FARP1: variants seen among roughly 807,000 people sequenced by gnomAD.
The protein encoded by FARP1 is FERM, ARH/RhoGEF and pleckstrin domain protein 1.
In FARP1, 52 loss-of-function variants were observed where a neutral mutation model predicts 128.8. The ratio of observed to expected loss-of-function variants is 0.40; its 90% CI spans 0.32 to 0.51. The LOEUF (loss-of-function observed/expected upper bound fraction) is 0.51, where lower values mean the gene tolerates loss of function less well. Among genes scored for constraint, FARP1 ranks in the 20% least tolerant of loss-of-function variants. The probability of loss-of-function intolerance (pLI) is 0.45; values close to 1 mark genes in which losing one functional copy is unlikely to be tolerated. For missense variants in FARP1, 1,333 were observed against 1,367.9 expected (o/e 0.97, Z 0.40); for synonymous variants, 580 against 551.8 (o/e 1.05, Z -0.72).
At position 98,368,198 on chromosome 13, in the gene FARP1, T is replaced by G; in HGVS notation, c.398+3T>G. ...CAACTCCAAGAAGAACTCACAAGGT[T>G]AGTGGTTTGGAAACTGTGTATTTTT... On this transcript the variant is annotated splice_donor_region_variant and intron_variant, in intron 5 of 26. Transcript: ENST00000319562. The G allele has an allele frequency of 1.2e-6, 2 of 1,611,180 alleles. No homozygotes were observed. The highest frequency in any genetic ancestry group is 1.7e-6 in the Non-Finnish European group (2 of 1,177,456).
At chr13:98,298,887 T>C (rs188411352) in intron 2 of FARP1, among the ~76,000 whole-genome samples, 2 of 152,304 alleles carry the variant, frequency 1.3e-5, no homozygotes, top group East Asian at 3.9e-4. Context: ...TTTAGGAATG[T>C]ATTTGGTCAT....
chr13:98,407,180 G>A (rs1383176091), intron 13 of FARP1: 1 of 152,642 alleles, frequency 6.6e-6, no homozygotes, highest in African/African-American at 2.4e-5. Flanking sequence ...CACAGTGCGA[G>A]AGCTGAAGGT....
intron 2 of FARP1, among the ~76,000 whole-genome samples, chr13:98,221,144 C>T (rs918783184): frequency 9.9e-5 from 15 of 152,282 alleles, no homozygotes; most frequent in African/African-American, 3.4e-4. Context: ...ACTTGAGGCC[C>T]AGGTGAGGCT....
At chr13:98,429,539 A>AT (rs11396275) in intron 17 of FARP1, among the ~76,000 whole-genome samples, 2,651 of 152,304 alleles carry the variant, frequency 0.017, 74 homozygotes, top group African/African-American at 0.055. Context: ...TGGAGGACAA[A>AT]TTGATAGGAC....
At chr13:98,375,477 TC>T (rs2140001532) in intron 5 of FARP1, among the ~76,000 whole-genome samples, 1 of 152,352 alleles carries the variant, frequency 6.6e-6, no homozygotes, top group African/African-American at 2.4e-5. Flanking sequence ...AAACACCCTT[TC>T]CTCTGGCCAG....
rs1402008691 is a variant in FARP1, at chr13:98,343,126, G to C, written c.172-636G>C. On this transcript the variant is annotated intron_variant, in intron 2 of 26. Coordinates refer to ENST00000319562, the MANE Select transcript of FARP1 (RefSeq NM_005766.4). The stretch of plus-strand genomic sequence containing the variant: ...ACTGTATGAGTCCTGTATGAGTCCA[G>C]CTAGATGACATTCTGGGAAAGGCAA... Among the ~76,000 whole-genome samples, 6 of 152,318 alleles carry C rather than the reference G, an allele frequency of 3.9e-5. No individual in the cohort carries two copies. In the East Asian group the frequency reaches 1.2e-3, roughly 29 times the overall value.
At chr13:98,155,358 A>G (rs1376780492) in intron 1 of FARP1, among the ~76,000 whole-genome samples, 1 of 151,204 alleles carries the variant, frequency 6.6e-6, no homozygotes, top group Non-Finnish European at 1.5e-5. Context: ...AAAAAAAAAA[A>G]AAAAAAAAAG....
In FARP1 at chr13:98,453,309, C is replaced by G. The variant is rs1225733980; in HGVS notation, c.*4992C>G. 1 of 1,234,028 alleles carries G rather than the reference C, an allele frequency of 8.1e-7. No individual in the cohort carries two copies. Among genetic ancestry groups the G allele is most frequent in the Non-Finnish European group, 1.1e-6 (1 of 870,326 alleles). 76.4% of individuals were successfully genotyped at this position (1,234,028 alleles called of 1,614,324 possible). A position where few individuals can be genotyped will look rare whatever the true frequency, so the allele number is the denominator to read the frequency against. On this transcript the variant is annotated 3_prime_UTR_variant, in exon 27 of 27. Coordinates refer to ENST00000319562, the MANE Select transcript of FARP1 (RefSeq NM_005766.4). ...AAATCTTAGTTTTCATAAGAAATTC[C>G]AAGTCATACAAAAATAAGTGGAGCA...
intron 5 of FARP1, among the ~76,000 whole-genome samples, chr13:98,374,607 C>T (rs183233542): frequency 3.6e-4 from 55 of 152,320 alleles, no homozygotes; most frequent in African/African-American, 1.3e-3. Flanking sequence ...CTGAATTTGC[C>T]TGCTAGCTTT....
chr13:98,183,521 C>G (rs888502210), intron 1 of FARP1, among the ~76,000 whole-genome samples: 1 of 152,294 alleles, frequency 6.6e-6, no homozygotes, highest in Middle Eastern at 3.4e-3. Context: ...ACTTAAGGGT[C>G]CACGCTTGGA....
rs1566305151 is a variant in FARP1 at position 98,417,459 on chromosome 13, A to AGGG, written c.1826+5425_1826+5426insGGG. 8.6e-3 allele frequency among the ~76,000 whole-genome samples: 856 copies of AGGG among 99,528 alleles called. 11 individuals are homozygous for AGGG. The highest frequency in any genetic ancestry group is 0.036 in the Middle Eastern group (7 of 192). 65.3% of individuals were successfully genotyped at this position (99,528 alleles called of 152,430 possible). A position where few individuals can be genotyped will look rare whatever the true frequency, so the allele number is the denominator to read the frequency against. ...AACAGAGGCCACCAGAGGTTTGAAA[A>AGGG]AAAAAAAAAAAAAAAAAAAAAAAAA... On this transcript the variant is annotated intron_variant, in intron 16 of 26. Coordinates refer to ENST00000319562, the MANE Select transcript of FARP1 (RefSeq NM_005766.4).
chr13:98,326,023 A>C (rs1446101820), intron 2 of FARP1, among the ~76,000 whole-genome samples: 2 of 152,250 alleles, frequency 1.3e-5, no homozygotes, highest in East Asian at 3.8e-4. Flanking sequence ...AATGCTTCTG[A>C]AATTTTTCTA....
intron 1 of FARP1, among the ~76,000 whole-genome samples, chr13:98,152,258 T>C (rs1330427234): frequency 6.6e-6 from 1 of 152,200 alleles, no homozygotes; most frequent in Non-Finnish European, 1.5e-5. Flanking sequence ...AATTAGTCAT[T>C]ATGCCTAATG....
intron 1 of FARP1, among the ~76,000 whole-genome samples, chr13:98,188,979 C>T (rs1879059987): frequency 6.6e-6 from 1 of 152,172 alleles, no homozygotes; most frequent in South Asian, 2.1e-4. Flanking sequence ...CGATAAGGCC[C>T]ATGAAGGCTC....
At chr13:98,225,268 T>C (rs1233916337) in intron 2 of FARP1, among the ~76,000 whole-genome samples, 1 of 152,182 alleles carries the variant, frequency 6.6e-6, no homozygotes, top group Non-Finnish European at 1.5e-5. Context: ...TTTCCTTTTA[T>C]TGACTTGATT....
rs150969302 is a variant in FARP1 at position 98,423,039 on chromosome 13, T to C, written c.1827-1533T>C. On this transcript the variant is annotated intron_variant, in intron 16 of 26. Transcript: ENST00000319562. Reference sequence around the variant, plus strand: ...TCCCAAAGCTGAAGAACTTGGGGTCTGATGTTTGAGGGCAGGAAGCATCCA... The same window carrying C: ...TCCCAAAGCTGAAGAACTTGGGGTCCGATGTTTGAGGGCAGGAAGCATCCA... Among the ~76,000 whole-genome samples, 1,264 of 152,246 alleles carry C rather than the reference T, an allele frequency of 8.3e-3. 11 individuals carry two copies. The highest frequency in any genetic ancestry group is 0.015 in the Non-Finnish European group (1,009 of 68,024).
intron 2 of FARP1, among the ~76,000 whole-genome samples, chr13:98,277,770 G>C (rs1884728794): frequency 6.6e-6 from 1 of 152,184 alleles, no homozygotes; most frequent in South Asian, 2.1e-4. Flanking sequence ...GAGAGCACTG[G>C]TTCTTCATGC....
chr13:98,209,898 C>T (rs1355321433), intron 1 of FARP1, among the ~76,000 whole-genome samples: 1 of 148,564 alleles, frequency 6.7e-6, no homozygotes, highest in Non-Finnish European at 1.5e-5. Context: ...AGGAGAATTG[C>T]TTGAACCTGG....
Position 98,213,288 on chromosome 13 carries a change from G to A in FARP1, c.46G>A (p.Ala16Thr). ...QRPTPGSRLGAPENSGISTLE... is the reference protein window; with the variant it reads ...QRPTPGSRLGTPENSGISTLE... ...GCCGACCCCAGGATCACGACTGGGGGCCCCGGAAAATTCGGGGATCAGTAC... is the reference window on the plus strand; with the variant it reads ...GCCGACCCCAGGATCACGACTGGGGACCCCGGAAAATTCGGGGATCAGTAC... The change falls in exon 2 of 27, where the codon GCC becomes ACC. Residue 16 changes from alanine to threonine, a missense_variant. This residue lies in a region of FARP1 where 324 missense variants were observed against 398.1 expected (regional missense o/e 0.81). Coordinates refer to ENST00000319562, the MANE Select transcript of FARP1 (RefSeq NM_005766.4). 6.2e-7 allele frequency: 1 copy of A among 1,614,080 alleles called. No homozygotes were observed. Among genetic ancestry groups the A allele is most frequent in the Non-Finnish European group, 8.5e-7 (1 of 1,179,980 alleles).
Sources: gnomAD v4.1 joint callset for allele counts (sites outside exome capture counted in the v4.1 genomes callset) on GRCh38, gnomAD v4.1.1 for gene constraint, gnomAD v4.1.1 regional missense constraint, MANE v1.5 for transcripts, NCBI Gene and HGNC (gene_info 2026-07-23, HGNC 2026-07-21) for gene names.